NTRK3: variants seen among roughly 807,000 people sequenced by gnomAD.
The protein encoded by NTRK3 is NT-3 growth factor receptor.
A neutral mutation model predicts 91.7 loss-of-function variants in NTRK3; 24 were observed. That is an observed-to-expected ratio of 0.26 (90% CI 0.19 to 0.37). NTRK3 has a LOEUF of 0.37. Among genes scored for constraint, NTRK3 ranks in the 10% least tolerant of loss-of-function variants. The pLI is 1.00. For missense variants in NTRK3, 880 were observed against 1,068.9 expected, an observed-to-expected ratio of 0.82 and a Z score of 2.46; for synonymous variants, 483 against 404.0, an observed-to-expected ratio of 1.20 and a Z score of -2.34.
At chr15:87,968,823 A>G (rs1006123409) in intron 14 of NTRK3, among the ~76,000 whole-genome samples, 14 of 152,196 alleles carry the variant, frequency 9.2e-5, no homozygotes, top group Admixed American at 2.6e-4. Context: ...CAATTTGGGG[A>G]TTATTGGTGA....
intron 5 of NTRK3, among the ~76,000 whole-genome samples, chr15:88,173,131 G>A (rs377030093): frequency 2.0e-5 from 3 of 152,128 alleles, no homozygotes; most frequent in African/African-American, 4.8e-5. Flanking sequence ...CAATAAAGGC[G>A]CCACTCAGTG....
chr15:88,232,763 C>T (rs1047418644), intron 3 of NTRK3, among the ~76,000 whole-genome samples: 13 of 152,300 alleles, frequency 8.5e-5, no homozygotes, highest in Admixed American at 7.8e-4. Flanking sequence ...ACTGAGGACC[C>T]CAGAAAACTC....
At chr15:87,976,652 C>G (rs1428353788) in intron 14 of NTRK3, among the ~76,000 whole-genome samples, 5 of 152,206 alleles carry the variant, frequency 3.3e-5, no homozygotes, top group African/African-American at 1.2e-4. Flanking sequence ...CAAGGGTGCA[C>G]AGATGTGCCA....
At chr15:88,028,600 C>T (rs965811330) in intron 14 of NTRK3, among the ~76,000 whole-genome samples, 1 of 152,054 alleles carries the variant, frequency 6.6e-6, no homozygotes, top group Non-Finnish European at 1.5e-5. Flanking sequence ...AGGATGGAGA[C>T]AGGCCATCTT....
intron 16 of NTRK3, chr15:87,931,082 G>T: frequency 2.8e-6 from 1 of 361,456 alleles, no homozygotes; most frequent in Non-Finnish European, 5.4e-6. Context: ...CTTACTTTCT[G>T]CTTCTTCCAC....
chr15:88,145,683 T>C (rs1050399667), intron 6 of NTRK3, among the ~76,000 whole-genome samples: 1 of 152,204 alleles, frequency 6.6e-6, no homozygotes, highest in Non-Finnish European at 1.5e-5. Flanking sequence ...TTCTCAATAA[T>C]TCAGCCAACA....
chr15:87,987,527 G>A lies in NTRK3; in HGVS notation c.1585+45330C>T, dbSNP rs529626603. Among the ~76,000 whole-genome samples, 110 of 149,410 alleles carry A rather than the reference G, an allele frequency of 7.4e-4. 1 individual carries two copies. The highest frequency in any genetic ancestry group is 7.2e-3 in the South Asian group (34 of 4,710). The stretch of plus-strand genomic sequence containing the variant: ...CATAGATATATATAGATAGATAGAT[G>A]TGTGTGTGTGTGTGTGTGTGTAGTT... On this transcript the variant is annotated intron_variant, in intron 14 of 18. Transcript: ENST00000394480.
chr15:88,135,476 G>T, intron 9 of NTRK3, 79 bp from the exon 10 acceptor site: 1 of 1,498,246 alleles, frequency 6.7e-7, no homozygotes, highest in South Asian at 1.2e-5. Context: ...AACTAAAATG[G>T]GAATCCCGGT....
chr15:87,892,857 C>T (rs1445474836), intron 17 of NTRK3, among the ~76,000 whole-genome samples: 2 of 152,016 alleles, frequency 1.3e-5, no homozygotes, highest in Non-Finnish European at 2.9e-5. Flanking sequence ...ATTCAAGGAA[C>T]AGGAGCCATG....
In NTRK3 at chr15:87,940,283, C is replaced by A. The variant is rs540051800; in HGVS notation, c.1716+340G>T. Among the ~76,000 whole-genome samples the A allele has an allele frequency of 2.0e-5, 3 of 152,304 alleles. No individual in the cohort carries two copies. The South Asian group carries it at 6.2e-4, about 32-fold the overall frequency. On this transcript the variant is annotated intron_variant, in intron 15 of 18. Coordinates refer to ENST00000394480, the Ensembl canonical transcript of NTRK3. Reference sequence around the variant, plus strand: ...CATGTGACTTTCCAGGCACAGACAGCACGTCCTGTAAAGCCACTACATGGT... The same window carrying A: ...CATGTGACTTTCCAGGCACAGACAGAACGTCCTGTAAAGCCACTACATGGT...
At chr15:88,118,773 G>A (rs1232324782) in intron 13 of NTRK3, among the ~76,000 whole-genome samples, 1 of 152,182 alleles carries the variant, frequency 6.6e-6, no homozygotes, top group Non-Finnish European at 1.5e-5. Flanking sequence ...TGTCACATGA[G>A]TAGCAAGGGA....
chr15:88,107,344 A>C (rs1416770356), intron 13 of NTRK3, among the ~76,000 whole-genome samples: 1 of 152,164 alleles, frequency 6.6e-6, no homozygotes, highest in Non-Finnish European at 1.5e-5. Context: ...TCAGGAGACT[A>C]AAGTGAGAGG....
chr15:88,034,301 T>C (rs1465898818), intron 13 of NTRK3, among the ~76,000 whole-genome samples: 2 of 152,170 alleles, frequency 1.3e-5, no homozygotes. Flanking sequence ...AGAACATCAT[T>C]TGTGTCTTCA....
Position 88,136,049 on chromosome 15 carries a change from C to A in NTRK3, c.766-9G>T, listed in dbSNP as rs758806920. 6.2e-7 allele frequency: 1 copy of A among 1,614,134 alleles called. No individual in the cohort carries two copies. Among genetic ancestry groups the A allele is most frequent in the Admixed American group, 1.7e-5 (1 of 60,014 alleles). ...GTCCAGTTCAGATTGGTCTGAAAACCCCAATAAAAAGATAACAATCAGATA... is the reference window on the plus strand; with the variant it reads ...GTCCAGTTCAGATTGGTCTGAAAACACCAATAAAAAGATAACAATCAGATA... On this transcript the variant is annotated splice_polypyrimidine_tract_variant and intron_variant, in intron 8 of 18. Transcript: ENST00000394480.
intron 13 of NTRK3, among the ~76,000 whole-genome samples, chr15:88,120,237 C>T (rs2052553791): frequency 6.6e-6 from 1 of 152,228 alleles, no homozygotes; most frequent in Non-Finnish European, 1.5e-5. Flanking sequence ...AGGAGCCAGT[C>T]CCTCCAAATC....
chr15:87,994,101 TG>T (rs1329354636), intron 14 of NTRK3, among the ~76,000 whole-genome samples: 3 of 151,186 alleles, frequency 2.0e-5, no homozygotes, highest in Non-Finnish European at 4.4e-5. Flanking sequence ...AGTGAGGGAG[TG>T]GTCATAAGAT....
intron 3 of NTRK3, among the ~76,000 whole-genome samples, chr15:88,203,697 A>G (rs756075070): frequency 6.6e-6 from 1 of 152,194 alleles, no homozygotes; most frequent in African/African-American, 2.4e-5. Flanking sequence ...AAGTAATTCA[A>G]ATGTTCCTAG....
intron 14 of NTRK3, among the ~76,000 whole-genome samples, chr15:87,955,425 G>T (rs894824566): frequency 1.3e-5 from 2 of 152,376 alleles, no homozygotes; most frequent in South Asian, 4.1e-4. Flanking sequence ...CAGAGGGTCA[G>T]GAGATTTGGG....
intron 3 of NTRK3, among the ~76,000 whole-genome samples, chr15:88,184,901 A>T (rs2046828201): frequency 2.0e-5 from 3 of 152,212 alleles, no homozygotes; most frequent in Admixed American, 2.0e-4. Flanking sequence ...AGCTGACTCC[A>T]GAGAGTGGGG....
Sources: allele counts gnomAD v4.1 joint callset (sites outside exome capture counted in the v4.1 genomes callset), GRCh38; gene constraint gnomAD v4.1.1; transcripts MANE v1.5; gene names NCBI Gene and HGNC (gene_info 2026-07-23, HGNC 2026-07-21).